The following LINGO2 variants were observed in gnomAD, a reference collection of about 807,000 sequenced individuals.
LINGO2 encodes the protein leucine rich repeat and Ig domain containing 2.
LINGO2 carries 14 observed loss-of-function variants against 30.6 expected under a neutral mutation model. That is an observed-to-expected ratio of 0.46 (90% CI 0.30 to 0.72). The LOEUF (loss-of-function observed/expected upper bound fraction) is 0.72. Ranked by LOEUF, LINGO2 falls within the 30% of genes least tolerant of loss-of-function variation. The pLI is 0.07. For synonymous variants in LINGO2, 317 were observed against 288.5 expected (o/e 1.10, Z -1.00); for missense variants, 729 against 751.7 (o/e 0.97, Z 0.35).
chr9:28,254,382 C>T (rs187770706), intron 4 of LINGO2, among the ~76,000 whole-genome samples: 46 of 152,148 alleles, frequency 3.0e-4, no homozygotes, highest in Middle Eastern at 3.4e-3. Flanking sequence ...TTGCCCCTAA[C>T]CACGCTCTCT....
chr9:28,401,220 A>G (rs140668270), intron 2 of LINGO2, among the ~76,000 whole-genome samples: 9 of 152,126 alleles, frequency 5.9e-5, no homozygotes, highest in Admixed American at 2.0e-4. Context: ...CAGATTTGTT[A>G]CATAGGTATA....
intron 4 of LINGO2, among the ~76,000 whole-genome samples, chr9:28,193,251 C>T (rs1014320734): frequency 2.0e-5 from 3 of 152,118 alleles, no homozygotes; most frequent in Admixed American, 1.3e-4. Context: ...ACTAGACTCA[C>T]ATTTACCAAG....
the LINGO2 span, among the ~76,000 whole-genome samples, chr9:28,978,323 A>G: frequency 2.0e-5 from 3 of 152,104 alleles, no homozygotes; most frequent in African/African-American, 4.8e-5. Context: ...AACTAAAAAT[A>G]GTGCTTTTGG....
chr9:27,983,783 G>T (rs964911780), intron 5 of LINGO2, among the ~76,000 whole-genome samples: 1 of 151,774 alleles, frequency 6.6e-6, no homozygotes, highest in African/African-American at 2.4e-5. Flanking sequence ...AATTCCCACC[G>T]TGGTTTGTTT....
chr9:28,887,358 T>TA, the LINGO2 span, among the ~76,000 whole-genome samples: 1 of 152,012 alleles, frequency 6.6e-6, no homozygotes, highest in Admixed American at 6.6e-5. Flanking sequence ...CCCCTGGTCT[T>TA]AAAAAAACTG....
chr9:28,767,815 C>T, the LINGO2 span, among the ~76,000 whole-genome samples: 1 of 147,764 alleles, frequency 6.8e-6, no homozygotes, highest in Admixed American at 6.7e-5. Flanking sequence ...AAAGTTCATG[C>T]CTTTTAGGTT....
intron 3 of LINGO2, among the ~76,000 whole-genome samples, chr9:28,312,155 C>CTTTTTTTTTTTTTT (rs72304845): frequency 1.1e-3 from 154 of 142,940 alleles, no homozygotes; most frequent in Non-Finnish European, 1.6e-3. Context: ...TTTCTTTTTT[C>CTTTTTTTTTTTTTT]TTTTTTTTGT....
chr9:28,861,047 A>G, the LINGO2 span, among the ~76,000 whole-genome samples: 11 of 128,836 alleles, frequency 8.5e-5, no homozygotes, highest in Admixed American at 4.6e-4. Flanking sequence ...ATTAATATAT[A>G]AATGTATAAT....
chr9:28,530,874 C>T (rs1305796289), intron 1 of LINGO2, among the ~76,000 whole-genome samples: 1 of 151,642 alleles, frequency 6.6e-6, no homozygotes, highest in East Asian at 1.9e-4. Flanking sequence ...TTTTTCTGCA[C>T]CTAGTCTTTT....
the LINGO2 span, among the ~76,000 whole-genome samples, chr9:29,066,104 C>A: frequency 4.0e-5 from 6 of 151,728 alleles, no homozygotes; most frequent in African/African-American, 1.5e-4. Flanking sequence ...AGAGAAAAGT[C>A]AAGTATCATA....
chr9:28,436,522 G>GGA (rs1823937240), intron 2 of LINGO2, among the ~76,000 whole-genome samples: 1 of 151,718 alleles, frequency 6.6e-6, no homozygotes, highest in African/African-American at 2.4e-5. Context: ...CAGTGGCGCA[G>GGA]TCTCGGCTCA....
chr9:28,844,234 C>T, the LINGO2 span, among the ~76,000 whole-genome samples: 3,561 of 151,810 alleles, frequency 0.023, 228 homozygotes, highest in African/African-American at 0.082. Flanking sequence ...TGGCGGCGCA[C>T]ACCTGTTGTC....
the LINGO2 span, among the ~76,000 whole-genome samples, chr9:28,967,129 CTTCTGT>C: frequency 6.6e-6 from 1 of 152,110 alleles, no homozygotes; most frequent in Non-Finnish European, 1.5e-5. Flanking sequence ...CACTGAAAAT[CTTCTGT>C]TTCATGAGCA....
At chr9:28,610,290 AT>A (rs1284304407) in intron 1 of LINGO2, among the ~76,000 whole-genome samples, 3 of 152,136 alleles carry the variant, frequency 2.0e-5, no homozygotes, top group Admixed American at 6.6e-5. Flanking sequence ...TTTTTATCAG[AT>A]TAGTAATATC....
In LINGO2 at chr9:28,180,755, A is replaced by G. The variant is rs990657949; in HGVS notation, c.-87+114453T>C. Among the ~76,000 whole-genome samples the G allele has an allele frequency of 3.3e-5, 5 of 152,272 alleles. No homozygotes were observed. The East Asian group carries it at 9.6e-4, about 29-fold the overall frequency. On this transcript the variant is annotated intron_variant, in intron 4 of 5. Coordinates refer to ENST00000379992, the Ensembl canonical transcript of LINGO2. ...TATCCAATAAATATCATTTTTAAAA[A>G]TGTCCTCTCCCAAGTAAGAGAACCC...
intron 2 of LINGO2, among the ~76,000 whole-genome samples, chr9:28,473,844 G>A (rs1447351230): frequency 1.3e-5 from 2 of 152,020 alleles, no homozygotes; most frequent in African/African-American, 4.8e-5. Context: ...ATCATAAAAT[G>A]TCATCTTTCT....
chr9:28,017,931 C>A (rs1272404410), intron 4 of LINGO2, among the ~76,000 whole-genome samples: 1 of 152,082 alleles, frequency 6.6e-6, no homozygotes, highest in African/African-American at 2.4e-5. Context: ...AAGCTGGAGG[C>A]ATCACACGAC....
At chr9:27,992,469 C>T (rs1451295300) in intron 5 of LINGO2, among the ~76,000 whole-genome samples, 1 of 151,762 alleles carries the variant, frequency 6.6e-6, no homozygotes, top group African/African-American at 2.4e-5. Context: ...AAAACTATCT[C>T]TATATGGAAA....
chr9:28,959,612 T>TCTCTCTCTCACA, the LINGO2 span, among the ~76,000 whole-genome samples: 37 of 132,224 alleles, frequency 2.8e-4, no homozygotes, highest in Admixed American at 1.3e-3. Flanking sequence ...TCTCTCTCCC[T>TCTCTCTCTCACA]CACACACACA....
Sources: allele counts gnomAD v4.1 joint callset (sites outside exome capture counted in the v4.1 genomes callset), GRCh38; gene constraint gnomAD v4.1.1; transcripts MANE v1.5; gene names NCBI Gene and HGNC (gene_info 2026-07-23, HGNC 2026-07-21).